B4GALNT4: variants seen among roughly 807,000 people sequenced by gnomAD.
B4GALNT4 encodes the protein N-acetyl-beta-glucosaminyl-glycoprotein 4-beta-N-acetylgalactosaminyltransferase 1.
Under a neutral mutation model 110.0 loss-of-function variants are expected in B4GALNT4, and 77 were observed. That is an observed-to-expected ratio of 0.70 (90% CI 0.58 to 0.85). B4GALNT4 has a LOEUF of 0.85. B4GALNT4 is among the 40% of genes least tolerant of loss of function. The pLI is 0.00. For missense variants in B4GALNT4, 1,575 were observed against 1,506.0 expected, an observed-to-expected ratio of 1.05 and a Z score of -0.76; for synonymous variants, 785 against 655.5, an observed-to-expected ratio of 1.20 and a Z score of -3.02.
chr11:380,558 A>C, intron 18 of B4GALNT4, 113 bp downstream of exon 18: 1 of 1,434,684 alleles, frequency 7.0e-7, no homozygotes, highest in East Asian at 2.5e-5. Flanking sequence ...GGAGTCCATC[A>C]GTGCTCCCCG....
chr11:371,640 C>T (rs1481323686), intron 1 of B4GALNT4, among the ~76,000 whole-genome samples: 3 of 152,244 alleles, frequency 2.0e-5, no homozygotes, highest in African/African-American at 7.2e-5. Context: ...GGAGAGACTA[C>T]AGTCCCTGGC....
rs754922679 is a variant in B4GALNT4, at chr11:372,900, G to A, written c.397G>A (p.Ala133Thr). ...CGTGTTTGAGGACTGGTGTGGGGGC[G>A]CCGTGGGCCACCTGAGGAGGAACCT... is the stretch of plus-strand genomic sequence containing the variant. ...LHVFEDWCGG[A>T]VGHLRRNLHF... is the part of the protein sequence containing the mutation. The change falls in exon 4 of 20, where the codon GCC (alanine) becomes ACC (threonine). Residue 133 changes from alanine to threonine, a missense_variant. By Grantham distance (58) the Ala-to-Thr change is moderately conservative. Transcript: ENST00000329962. 1.2e-5 allele frequency: 19 copies of A among 1,611,976 alleles called. No homozygotes were observed. The highest frequency in any genetic ancestry group is 1.6e-4 in the Middle Eastern group (1 of 6,072).
Position 377,202 on chromosome 11 carries a change from C to T in B4GALNT4, c.2079C>T (p.Phe693=). The T allele has an allele frequency of 6.3e-7, 1 of 1,592,104 alleles. No homozygotes were observed. The highest frequency in any genetic ancestry group is 8.5e-7 in the Non-Finnish European group (1 of 1,170,500). The change falls in exon 14 of 20, where the codon TTC becomes TTT. Residue 693 remains phenylalanine (F), a synonymous_variant. Transcript: ENST00000329962. ...QRTFSVGAVD[F]ELLRSDWNDL... ...CGTTCAGCGTGGGCGCCGTGGACTT[C>T]GAGCTGCTGCGCTCGGACTGGAACG...
chr11:373,180 T>C lies in B4GALNT4; in HGVS notation c.536-11T>C, dbSNP rs533945780. 4.3e-6 allele frequency: 7 copies of C among 1,612,116 alleles called. No individual in the cohort carries two copies. In the South Asian group the frequency reaches 6.6e-5, roughly 15 times the overall value. ...AGGCTCCACCCCCCTGAGCCTAGTC[T>C]TGTGGACTAGGAGACGTCCAGTTTT... On this transcript the variant is annotated splice_polypyrimidine_tract_variant and intron_variant, in intron 5 of 19. Coordinates refer to ENST00000329962, the MANE Select transcript of B4GALNT4 (RefSeq NM_178537.5).
Position 376,613 on chromosome 11 carries a change from C to A in B4GALNT4, c.1490C>A (p.Ala497Asp). Reference sequence around the variant, plus strand: ...AGGCACTCCCGGGCCCTGAGCTGGGCCGCCAGGGCCGCCCGCCCTTTGCCG... The same window carrying A: ...AGGCACTCCCGGGCCCTGAGCTGGGACGCCAGGGCCGCCCGCCCTTTGCCG... ...TPRHSRALSW[A>D]ARAARPLPLF... Residue 497 changes from alanine to aspartate, a missense_variant, in exon 14 of 20, where the codon GCC (alanine) becomes GAC (aspartate). Transcript: ENST00000329962. 7.2e-7 allele frequency: 1 copy of A among 1,395,570 alleles called. No individual in the cohort carries two copies. Among genetic ancestry groups the A allele is most frequent in the Non-Finnish European group, 9.3e-7 (1 of 1,076,726 alleles). The allele number at this position is 1,395,570 out of a possible 1,614,324, so 86.4% of individuals were successfully genotyped here.
Position 377,272 on chromosome 11 carries a change from G to A in B4GALNT4, c.2149G>A (p.Glu717Lys), listed in dbSNP as rs745798830. 1 of 1,593,858 alleles carries A rather than the reference G, an allele frequency of 6.3e-7. No homozygotes were observed. The stretch of plus-strand genomic sequence containing the variant: ...GGGGAACCTGCAGCTGCCGGAGGCG[G>A]AGGCCGTGGACGTGACCGCTCAGTA... ...VSGNLQLPEA[E>K]AVDVTAQYME... The change falls in exon 14 of 20, where the codon GAG becomes AAG. Residue 717 changes from glutamate (E) to lysine (K), a missense_variant. Transcript: ENST00000329962.
At position 377,100 on chromosome 11, in the gene B4GALNT4, C is replaced by G. The variant is rs767685289; in HGVS notation, c.1977C>G (p.Ala659=). ...ACGATGGGGCCCCGGGCGACGAGGC[C>G]GCGTCGGAGGACAGCGAGGAGGCCG... is the stretch of plus-strand genomic sequence containing the variant. ...GEDDGAPGDE[A]ASEDSEEAAG... is the part of the protein sequence containing the mutation. The change falls in exon 14 of 20, where the codon GCC becomes GCG. Residue 659 remains alanine (A), a synonymous_variant. Coordinates refer to ENST00000329962, the MANE Select transcript of B4GALNT4 (RefSeq NM_178537.5). The G allele has an allele frequency of 9.6e-6, 14 of 1,461,610 alleles. No homozygotes were observed. In the South Asian group the frequency reaches 1.5e-4, roughly 16 times the overall value. The allele number at this position is 1,461,610 out of a possible 1,614,324, so 90.5% of individuals were successfully genotyped here.
chr11:380,004 C>T lies in B4GALNT4; in HGVS notation c.2627C>T (p.Ala876Val), dbSNP rs757420384. ...ATGGACGTGGAGCGGGCCCTGCGCG[C>T]CGCGCGCCTGCCCCGGTAACGACCC... Reference protein sequence around the residue: ...EDMDVERALRAARLPRYQYLR... With the variant: ...EDMDVERALRVARLPRYQYLR... The change falls in exon 16 of 20, where the codon GCC becomes GTC. Residue 876 changes from alanine to valine, a missense_variant. Transcript: ENST00000329962. The T allele has an allele frequency of 6.2e-7, 1 of 1,612,624 alleles. No homozygotes were observed. The highest frequency in any genetic ancestry group is 2.2e-5 in the East Asian group (1 of 44,850).
In B4GALNT4 at chr11:376,360, C is replaced by T. The variant is rs199986819; in HGVS notation, c.1297+9C>T. 1.2e-6 allele frequency: 2 copies of T among 1,605,462 alleles called. No individual in the cohort carries two copies. Among genetic ancestry groups the T allele is most frequent in the African/African-American group, 2.7e-5 (2 of 74,874 alleles). Reference sequence around the variant, plus strand: ...CTTCCTCAACCCGGACGGTGAGTGTCCGCAGCGCCCCTGGCCCGCACCCAC... The same window carrying T: ...CTTCCTCAACCCGGACGGTGAGTGTTCGCAGCGCCCCTGGCCCGCACCCAC... On this transcript the variant is annotated intron_variant, in intron 13 of 19. Coordinates refer to ENST00000329962, the MANE Select transcript of B4GALNT4 (RefSeq NM_178537.5).
chr11:377,298 C>T lies in B4GALNT4; in HGVS notation c.2175C>T (p.Tyr725=). The change falls in exon 14 of 20, where the codon TAC becomes TAT. Residue 725 remains tyrosine, a synonymous_variant. Coordinates refer to ENST00000329962, the MANE Select transcript of B4GALNT4 (RefSeq NM_178537.5). ...EAEAVDVTAQ[Y]MERLNARHGG... The stretch of plus-strand genomic sequence containing the variant: ...AGGCCGTGGACGTGACCGCTCAGTA[C>T]ATGGAGCGGCTGAACGCGCGCCACG... The T allele has an allele frequency of 3.8e-6, 6 of 1,567,624 alleles. No individual in the cohort carries two copies. Among genetic ancestry groups the T allele is most frequent in the Non-Finnish European group, 5.2e-6 (6 of 1,160,062 alleles).
chr11:377,213 G>A lies in B4GALNT4; in HGVS notation c.2090G>A (p.Arg697His). The A allele has an allele frequency of 1.3e-6, 2 of 1,595,316 alleles. No individual in the cohort carries two copies. Among genetic ancestry groups the A allele is most frequent in the Non-Finnish European group, 1.7e-6 (2 of 1,172,074 alleles). The change falls in exon 14 of 20, where the codon CGC becomes CAC. Residue 697 changes from arginine (R) to histidine (H), a missense_variant. Transcript: ENST00000329962. ...SVGAVDFELL[R>H]SDWNDLRCNV... ...GGCGCCGTGGACTTCGAGCTGCTGCGCTCGGACTGGAACGACCTGCGATGC... is the reference window on the plus strand; with the variant it reads ...GGCGCCGTGGACTTCGAGCTGCTGCACTCGGACTGGAACGACCTGCGATGC...
At chr11:375,818 C>G in intron 10 of B4GALNT4, 29 bp from the exon 11 acceptor site, 2 of 1,604,518 alleles carry the variant, frequency 1.2e-6, no homozygotes, top group African/African-American at 1.3e-5. Context: ...GTGCCTGCCC[C>G]AGCCACCCTG....
At chr11:380,095 C>G (rs771539143) in intron 16 of B4GALNT4, 35 bp from the exon 17 acceptor site, 2 of 1,591,518 alleles carry the variant, frequency 1.3e-6, no homozygotes, top group Admixed American at 3.4e-5. Context: ...CTGACCCCAC[C>G]CCCAGAGATC....
Position 379,556 on chromosome 11 carries a change from G to A in B4GALNT4, c.2343G>A (p.Leu781=). ...TGTCCGAGTACGTCTTCCTGCGGCT[G>A]CCGGGAGCCCGCGTAGGGGATGCAG... The part of the protein sequence containing the change: ...LRLSEYVFLR[L]PGARVGDADG... Residue 781 remains leucine, a synonymous_variant, in exon 15 of 20, where the codon CTG becomes CTA. Transcript: ENST00000329962. 1.9e-6 allele frequency: 3 copies of A among 1,587,720 alleles called. No individual in the cohort carries two copies. The highest frequency in any genetic ancestry group is 8.6e-7 in the Non-Finnish European group (1 of 1,169,434).
At chr11:370,572 G>A (rs1403998899) in intron 1 of B4GALNT4, among the ~76,000 whole-genome samples, 1 of 152,202 alleles carries the variant, frequency 6.6e-6, no homozygotes. Flanking sequence ...ATGGGGTCAC[G>A]GTGAGCCAGC....
Position 379,852 on chromosome 11 carries a change from C to T in B4GALNT4, c.2489-14C>T, listed in dbSNP as rs1846836288. ...AGCGTCGGCTCAGCGCCCCCCCCGC[C>T]TTTTCTCCTCCAGTGAAAAACCAGG... On this transcript the variant is annotated splice_polypyrimidine_tract_variant and intron_variant, in intron 15 of 19. Coordinates refer to ENST00000329962, the MANE Select transcript of B4GALNT4 (RefSeq NM_178537.5). 1.9e-6 allele frequency: 3 copies of T among 1,580,940 alleles called. No individual in the cohort carries two copies. The highest frequency in any genetic ancestry group is 1.7e-6 in the Non-Finnish European group (2 of 1,163,812).
In B4GALNT4 at chr11:372,835, G is replaced by A. The variant is rs1846642679; in HGVS notation, c.349-17G>A. ...GGGCGGCGGGCCGTGCAGAAGGTAAGGCCCCCCCATCCCCAGTACAAGGGG... is the reference window on the plus strand; with the variant it reads ...GGGCGGCGGGCCGTGCAGAAGGTAAAGCCCCCCCATCCCCAGTACAAGGGG... On this transcript the variant is annotated splice_polypyrimidine_tract_variant and intron_variant, in intron 3 of 19. Coordinates refer to ENST00000329962, the MANE Select transcript of B4GALNT4 (RefSeq NM_178537.5). 2 of 1,597,140 alleles carry A rather than the reference G, an allele frequency of 1.3e-6. No individual in the cohort carries two copies. The highest frequency in any genetic ancestry group is 1.7e-5 in the Admixed American group (1 of 58,106).
In B4GALNT4 at chr11:376,178, G is replaced by C. The variant is rs1846745475; in HGVS notation, c.1196+4G>C. 1 of 1,609,598 alleles carries C rather than the reference G, an allele frequency of 6.2e-7. No individual in the cohort carries two copies. Among genetic ancestry groups the C allele is most frequent in the Non-Finnish European group, 8.5e-7 (1 of 1,178,108 alleles). On this transcript the variant is annotated splice_donor_region_variant and intron_variant, in intron 12 of 19. Coordinates refer to ENST00000329962, the MANE Select transcript of B4GALNT4 (RefSeq NM_178537.5). ...AGTCTCCGCTGTATCTGGAGAGGTG[G>C]GCGCGCGGCCGGGCTAATGCGGGGC... is the stretch of plus-strand genomic sequence containing the variant.
Position 376,497 on chromosome 11 carries a change from C to T in B4GALNT4, c.1374C>T (p.Gly458=), listed in dbSNP as rs757261977. ...EPTEAAPPRS[G]PQSPAPAAPA... is the part of the protein sequence containing the mutation. ...CCGAGGCGGCCCCGCCCAGGAGCGG[C>T]CCCCAGTCCCCCGCCCCAGCAGCCC... The change falls in exon 14 of 20, where the codon GGC becomes GGT. Residue 458 remains glycine, a synonymous_variant. Transcript: ENST00000329962. 1.5e-5 allele frequency: 23 copies of T among 1,540,914 alleles called. No homozygotes were observed. The East Asian group carries it at 4.5e-4, about 30-fold the overall frequency.
Sources: allele counts gnomAD v4.1 joint callset (sites outside exome capture counted in the v4.1 genomes callset), GRCh38; gene constraint gnomAD v4.1.1; transcripts MANE v1.5; gene names NCBI Gene and HGNC (gene_info 2026-07-23, HGNC 2026-07-21).